The following HEATR1 variants were observed in gnomAD, a reference collection of about 807,000 sequenced individuals.
The protein encoded by HEATR1 is HEAT repeat-containing protein 1.
A neutral mutation model predicts 248.2 loss-of-function variants in HEATR1; 77 were observed. The ratio of observed to expected loss-of-function variants is 0.31; its 90% CI spans 0.26 to 0.37. The LOEUF is 0.37. Ranked by LOEUF, HEATR1 falls within the 10% of genes least tolerant of loss-of-function variation. HEATR1 has a pLI of 1.00. For missense variants in HEATR1, 2,420 were observed against 2,504.9 expected (o/e 0.97, Z 0.72); for synonymous variants, 897 against 923.1 (o/e 0.97, Z 0.51).
At position 236,581,425 on chromosome 1, in the gene HEATR1, A is replaced by C; in HGVS notation, c.2563-11T>G. The C allele has an allele frequency of 6.7e-7, 1 of 1,492,716 alleles. No individual in the cohort carries two copies. Among genetic ancestry groups the C allele is most frequent in the African/African-American group, 1.4e-5 (1 of 70,762 alleles). 92.5% of individuals were successfully genotyped at this position (1,492,716 alleles called of 1,614,324 possible). ...ATCTTCTAGATGCACCTAATTAAAA[A>C]AAAAAAAAAGCAAACTTTTAATTCT... On this transcript the variant is annotated splice_polypyrimidine_tract_variant and intron_variant, in intron 19 of 44. Coordinates refer to ENST00000366582, the MANE Select transcript of HEATR1 (RefSeq NM_018072.6).
intron 28 of HEATR1, among the ~76,000 whole-genome samples, chr1:236,569,553 CAA>C (rs773986803): frequency 1.2e-4 from 18 of 152,226 alleles, no homozygotes; most frequent in Non-Finnish European, 2.4e-4. Context: ...GACATTTCTT[CAA>C]AGAAAAAATT....
In HEATR1 at chr1:236,550,995, A is replaced by G. The variant is rs746324674; in HGVS notation, c.6347-5T>C. ...GTTCTACTTCTTCACATTCATCTAA[A>G]AAAAAAAAAAAAAAATCAAAATTAA... On this transcript the variant is annotated splice_region_variant and splice_polypyrimidine_tract_variant and intron_variant, in intron 44 of 44. Transcript: ENST00000366582. 5.4e-6 allele frequency: 8 copies of G among 1,468,640 alleles called. No homozygotes were observed. In the East Asian group the frequency reaches 2.0e-4, roughly 36 times the overall value. 91.0% of individuals were successfully genotyped at this position (1,468,640 alleles called of 1,614,324 possible). A position where few individuals can be genotyped will look rare whatever the true frequency, so the allele number is the denominator to read the frequency against.
chr1:236,561,297 G>C (rs766390595), intron 32 of HEATR1, 26 bp from the exon 33 acceptor site: 2 of 1,573,718 alleles, frequency 1.3e-6, no homozygotes, highest in African/African-American at 2.7e-5. Flanking sequence ...GACGTCATTA[G>C]AACGGTAGGG....
chr1:236,603,997 A>T lies in HEATR1; in HGVS notation c.99T>A (p.Pro33=). 1 of 1,599,538 alleles carries T rather than the reference A, an allele frequency of 6.3e-7. No homozygotes were observed. Among genetic ancestry groups the T allele is most frequent in the Non-Finnish European group, 8.5e-7 (1 of 1,175,242 alleles). ...CCCTGTCGATTGTGGCCGCTTCCTT[A>T]GGGTCAAATAACAAAGAAGCAACTT... is the stretch of plus-strand genomic sequence containing the variant. ...RDEVASLLFD[P]KEAATIDRDT... is the part of the protein sequence containing the mutation. Residue 33 remains proline (P), a synonymous_variant, in exon 2 of 45, where the codon CCT becomes CCA. Transcript: ENST00000366582.
chr1:236,598,801 C>A (rs532482164), intron 4 of HEATR1, among the ~76,000 whole-genome samples: 53 of 152,326 alleles, frequency 3.5e-4, no homozygotes, highest in African/African-American at 1.9e-4. Context: ...TCCCCCCCTA[C>A]CCTGGATCAC....
At chr1:236,582,961 C>T in intron 18 of HEATR1, 52 bp downstream of exon 18, 1 of 1,604,744 alleles carries the variant, frequency 6.2e-7, no homozygotes. Flanking sequence ...TGGAGTCAAT[C>T]ATTCAGTTTT....
Position 236,550,880 on chromosome 1 carries a change from G to C in HEATR1, c.*22C>G, listed in dbSNP as rs185772456. ...AATATGAGTGTGAACTCTGAGTAGA[G>C]TATGAAACACCACAGAAAGTCTTAG... is the stretch of plus-strand genomic sequence containing the variant. On this transcript the variant is annotated 3_prime_UTR_variant, in exon 45 of 45. Transcript: ENST00000366582. 6.5e-7 allele frequency: 1 copy of C among 1,546,724 alleles called. No homozygotes were observed. Among genetic ancestry groups the C allele is most frequent in the Non-Finnish European group, 8.8e-7 (1 of 1,141,386 alleles).
Position 236,581,328 on chromosome 1 carries a change from G to A in HEATR1, c.2649C>T (p.Cys883=). 1.2e-6 allele frequency: 2 copies of A among 1,612,068 alleles called. No individual in the cohort carries two copies. Among genetic ancestry groups the A allele is most frequent in the South Asian group, 2.2e-5 (2 of 90,696 alleles). The change falls in exon 20 of 45, where the codon TGC becomes TGT. Residue 883 remains cysteine, a synonymous_variant. Coordinates refer to ENST00000366582, the MANE Select transcript of HEATR1 (RefSeq NM_018072.6). The stretch of plus-strand genomic sequence containing the variant: ...GAGTCTGCAGCACTGTTTTCACACT[G>A]CAGTTTAGTGGATTTGAAAGGCTAG... The part of the protein sequence containing the change: ...YGSSLSNPLN[C]SVKTVLQTQA...
At chr1:236,601,967 TA>T (rs34239680) in intron 3 of HEATR1, among the ~76,000 whole-genome samples, 86,430 of 146,908 alleles carry the variant, frequency 0.59, 26,825 homozygotes, top group Non-Finnish European at 0.7. Context: ...CCATCTTTAC[TA>T]AAAAAAAAAA....
At chr1:236,562,156 C>T (rs868841092) in intron 32 of HEATR1, among the ~76,000 whole-genome samples, 1 of 152,288 alleles carries the variant, frequency 6.6e-6, no homozygotes. Context: ...TTACTGGAGG[C>T]TAAATGACAT....
chr1:236,572,899 C>A, intron 24 of HEATR1, 71 bp from the exon 25 acceptor site: 1 of 1,328,506 alleles, frequency 7.5e-7, no homozygotes, highest in Non-Finnish European at 1.1e-6. Context: ...AAATGTTAAC[C>A]CCTAGGAAGG....
chr1:236,588,659 C>G (rs1663955824), intron 12 of HEATR1, among the ~76,000 whole-genome samples: 1 of 152,040 alleles, frequency 6.6e-6, no homozygotes, highest in Non-Finnish European at 1.5e-5. Context: ...TTAAATATAA[C>G]AAATAAAAGA....
intron 15 of HEATR1, 24 bp downstream of exon 15, chr1:236,586,217 T>C (rs1343880315): frequency 1.3e-6 from 2 of 1,560,372 alleles, no homozygotes; most frequent in Non-Finnish European, 1.7e-6. Flanking sequence ...TCACTTTTTC[T>C]AAAAAAACAA....
chr1:236,594,964 A>C (rs1664133865), intron 8 of HEATR1, among the ~76,000 whole-genome samples: 1 of 151,954 alleles, frequency 6.6e-6, no homozygotes, highest in Non-Finnish European at 1.5e-5. Context: ...ATGCCCGGTT[A>C]ATTTTTGTAT....
At chr1:236,574,434 AC>A (rs1295451203) in intron 23 of HEATR1, 101 bp from the exon 24 acceptor site, 2 of 1,406,772 alleles carry the variant, frequency 1.4e-6, no homozygotes, top group Non-Finnish European at 1.9e-6. Context: ...ATTGTTTCCC[AC>A]TTAATTTTGT....
intron 11 of HEATR1, 38 bp from the exon 12 acceptor site, chr1:236,590,992 A>C: frequency 9.5e-7 from 1 of 1,052,946 alleles, no homozygotes; most frequent in Non-Finnish European, 1.3e-6. Context: ...GATTTCACTT[A>C]ATCTGAACAG....
chr1:236,579,239 GA>G (rs991061779), intron 20 of HEATR1, among the ~76,000 whole-genome samples: 3 of 152,086 alleles, frequency 2.0e-5, no homozygotes, highest in African/African-American at 7.2e-5. Context: ...TGTCCCCACA[GA>G]AAAAAAGACC....
Position 236,562,479 on chromosome 1 carries a change from A to G in HEATR1, c.4600-1208T>C, listed in dbSNP as rs376006200. Among the ~76,000 whole-genome samples the G allele has an allele frequency of 7.9e-5, 12 of 152,310 alleles. No individual in the cohort carries two copies. The East Asian group carries it at 2.3e-3, about 29-fold the overall frequency. ...ATGGGAAACAAATCATGCCAGGGCC[A>G]GCACTTGGACCATTCTCTCCCCCAA... On this transcript the variant is annotated intron_variant, in intron 32 of 44. Coordinates refer to ENST00000366582, the MANE Select transcript of HEATR1 (RefSeq NM_018072.6).
chr1:236,566,323 C>T (rs1272549322), intron 30 of HEATR1, among the ~76,000 whole-genome samples: 4 of 152,104 alleles, frequency 2.6e-5, no homozygotes, highest in Non-Finnish European at 4.4e-5. Context: ...CCTTCAAAAC[C>T]GCTTTGAAGA....
Sources: gnomAD v4.1 joint callset for allele counts (sites outside exome capture counted in the v4.1 genomes callset) on GRCh38, gnomAD v4.1.1 for gene constraint, MANE v1.5 for transcripts, NCBI Gene and HGNC (gene_info 2026-07-23, HGNC 2026-07-21) for gene names.